FGF1: variants seen among roughly 807,000 people sequenced by gnomAD.
FGF1 encodes beta-endothelial cell growth factor.
In FGF1, 9 loss-of-function variants were observed where a neutral mutation model predicts 13.4. That is an observed-to-expected ratio of 0.67 (90% CI 0.40 to 1.17). FGF1 has a LOEUF of 1.17. Ranked by LOEUF, FGF1 falls within the 50% of genes most tolerant of loss-of-function variation. The probability of loss-of-function intolerance (pLI) is 0.01; values close to 1 mark genes in which losing one functional copy is unlikely to be tolerated. For missense variants in FGF1, 156 were observed against 192.7 expected, an observed-to-expected ratio of 0.81 and a Z score of 1.13; for synonymous variants, 93 against 79.0, an observed-to-expected ratio of 1.18 and a Z score of -0.94.
At chr5:142,611,363 C>T (rs149450545) in intron 2 of FGF1, among the ~76,000 whole-genome samples, 86 of 152,296 alleles carry the variant, frequency 5.6e-4, no homozygotes, top group African/African-American at 2.0e-3. Flanking sequence ...GGCAATGCTG[C>T]CATTCCCATT....
upstream of FGF1, among the ~76,000 whole-genome samples, chr5:142,688,762 C>T (rs1751668937): frequency 6.6e-6 from 1 of 152,340 alleles, no homozygotes; most frequent in Admixed American, 6.5e-5. Context: ...GAGTCATCCA[C>T]ATCTAAAATG....
chr5:142,685,254 T>A (rs985694457), intron 1 of FGF1, among the ~76,000 whole-genome samples: 1 of 152,118 alleles, frequency 6.6e-6, no homozygotes, highest in Non-Finnish European at 1.5e-5. Flanking sequence ...GGATGTGATA[T>A]TCCAAGATCA....
At chr5:142,607,614 C>T (rs886916555) in intron 2 of FGF1, among the ~76,000 whole-genome samples, 3 of 152,174 alleles carry the variant, frequency 2.0e-5, no homozygotes, top group Admixed American at 6.5e-5. Context: ...GGGAAGAGGG[C>T]TGGAAGTGTT....
intron 2 of FGF1, among the ~76,000 whole-genome samples, chr5:142,695,399 T>C (rs1752938080): frequency 6.6e-6 from 1 of 152,076 alleles, no homozygotes. Context: ...CTGGCCAACA[T>C]GGCAAAATCC....
intron 1 of FGF1, among the ~76,000 whole-genome samples, chr5:142,619,136 G>T (rs377563682): frequency 3.3e-4 from 50 of 151,894 alleles, no homozygotes; most frequent in Non-Finnish European, 5.4e-4. Flanking sequence ...GGGTTTCACC[G>T]TGTTAGCCAA....
intron 2 of FGF1, among the ~76,000 whole-genome samples, chr5:142,610,803 T>G (rs1758877068): frequency 6.6e-6 from 1 of 152,176 alleles, no homozygotes; most frequent in Non-Finnish European, 1.5e-5. Context: ...AGGTCTCTAT[T>G]AGAACAGCCC....
At chr5:142,627,896 A>G (rs59110304) in intron 1 of FGF1, among the ~76,000 whole-genome samples, 2,277 of 152,290 alleles carry the variant, frequency 0.015, 47 homozygotes, top group African/African-American at 0.052. Flanking sequence ...AAACAGTCCA[A>G]AAGGAACCAT....
chr5:142,606,302 A>G (rs115601902), intron 2 of FGF1, among the ~76,000 whole-genome samples: 1,755 of 151,648 alleles, frequency 0.012, 33 homozygotes, highest in African/African-American at 0.039. Context: ...ACATACAGTG[A>G]AAAAAACTAA....
chr5:142,636,507 G>A (rs892712216), intron 1 of FGF1, among the ~76,000 whole-genome samples: 6 of 152,176 alleles, frequency 3.9e-5, no homozygotes, highest in Admixed American at 3.9e-4. Context: ...CTATGTGCCA[G>A]ACATAAGGAA....
chr5:142,646,961 T>C (rs1022430195), intron 1 of FGF1, among the ~76,000 whole-genome samples: 11 of 152,154 alleles, frequency 7.2e-5, no homozygotes, highest in African/African-American at 2.2e-4. Flanking sequence ...CATGGACAGA[T>C]TGGGCATAAG....
chr5:142,671,046 G>T (rs1257654572), intron 1 of FGF1, among the ~76,000 whole-genome samples: 1 of 152,128 alleles, frequency 6.6e-6, no homozygotes, highest in Non-Finnish European at 1.5e-5. Flanking sequence ...AGAGGAAAAA[G>T]TTTCTCAACA....
chr5:142,649,163 T>G (rs1156506092), intron 1 of FGF1, among the ~76,000 whole-genome samples: 1 of 152,236 alleles, frequency 6.6e-6, no homozygotes, highest in Non-Finnish European at 1.5e-5. Flanking sequence ...TCGCTCTTGA[T>G]TCCCTTTTTC....
chr5:142,599,946 G>A (rs1597035479), intron 3 of FGF1, among the ~76,000 whole-genome samples: 1 of 152,190 alleles, frequency 6.6e-6, no homozygotes. Context: ...TATCCTTTTA[G>A]GTGATCCTTT....
intron 1 of FGF1, among the ~76,000 whole-genome samples, chr5:142,630,395 C>G (rs2151924737): frequency 6.6e-6 from 1 of 152,266 alleles, no homozygotes; most frequent in African/African-American, 2.4e-5. Context: ...ACGAGCAGCT[C>G]CTATCTTACC....
chr5:142,689,957 T>G (rs1375659380), upstream of FGF1, among the ~76,000 whole-genome samples: 2 of 146,426 alleles, frequency 1.4e-5, no homozygotes, highest in Non-Finnish European at 3.0e-5. Flanking sequence ...CACCTCGGCC[T>G]CCCAAAGTGC....
At chr5:142,622,523 T>C (rs1345684776) in intron 1 of FGF1, among the ~76,000 whole-genome samples, 1 of 152,220 alleles carries the variant, frequency 6.6e-6, no homozygotes, top group Non-Finnish European at 1.5e-5. Flanking sequence ...CATCTTGTAA[T>C]AAATACTTCC....
intron 1 of FGF1, among the ~76,000 whole-genome samples, chr5:142,642,147 C>A (rs988660191): frequency 9.9e-5 from 15 of 152,164 alleles, no homozygotes; most frequent in African/African-American, 3.6e-4. Context: ...GGGCATCCAC[C>A]ACTGTCAGAG....
intron 1 of FGF1, among the ~76,000 whole-genome samples, chr5:142,655,210 A>G (rs1233096140): frequency 6.6e-6 from 1 of 152,216 alleles, no homozygotes; most frequent in Non-Finnish European, 1.5e-5. Context: ...TTGAAAGAAC[A>G]TGATGGAGGC....
chr5:142,628,561 C>T (rs1358984880), intron 1 of FGF1, among the ~76,000 whole-genome samples: 5 of 152,288 alleles, frequency 3.3e-5, no homozygotes, highest in South Asian at 2.1e-4. Context: ...TAAACTCATC[C>T]GTCAAACATG....
Sources: gnomAD v4.1 joint callset for allele counts (sites outside exome capture counted in the v4.1 genomes callset) on GRCh38, gnomAD v4.1.1 for gene constraint, MANE v1.5 for transcripts, NCBI Gene and HGNC (gene_info 2026-07-23, HGNC 2026-07-21) for gene names.